Variants in TSHZ3 observed in about 807,000 individuals in gnomAD.
TSHZ3 encodes the protein teashirt zinc finger homeobox 3.
A neutral mutation model predicts 64.5 loss-of-function variants in TSHZ3; 10 were observed. The ratio of observed to expected loss-of-function variants is 0.16; its 90% CI spans 0.10 to 0.26. The LOEUF (loss-of-function observed/expected upper bound fraction) is 0.26. Among genes scored for constraint, TSHZ3 ranks in the 10% least tolerant of loss-of-function variants. The pLI is 1.00. For missense variants in TSHZ3, 1,242 were observed against 1,421.7 expected, an observed-to-expected ratio of 0.87 and a Z score of 2.03; for synonymous variants, 608 against 593.1, an observed-to-expected ratio of 1.03 and a Z score of -0.36.
intron 4 of TSHZ3, among the ~76,000 whole-genome samples, chr19:31,212,557 C>A (rs552996267): frequency 1.2e-3 from 177 of 152,240 alleles, no homozygotes; most frequent in Non-Finnish European, 2.1e-3. Context: ...CCACTACACC[C>A]CTGTTAAAAT....
In TSHZ3 at chr19:31,275,118, T is replaced by A. The variant is rs759145153; in HGVS notation, c.*1429A>T. ...TTCTCATATGGTGTCAGCTGTCAGTTACTTCTGCAAATTAACTGCCAAAAA... is the reference window on the plus strand; with the variant it reads ...TTCTCATATGGTGTCAGCTGTCAGTAACTTCTGCAAATTAACTGCCAAAAA... On this transcript the variant is annotated 3_prime_UTR_variant, in exon 2 of 2. Transcript: ENST00000240587. 1 of 152,578 alleles carries A rather than the reference T, an allele frequency of 6.6e-6. No homozygotes were observed. The highest frequency in any genetic ancestry group is 2.4e-5 in the African/African-American group (1 of 41,424). The allele number at this position is 152,578 out of a possible 1,614,324, so 9.5% of individuals were successfully genotyped here.
At chr19:31,343,205 CAT>C (rs1917486710) in intron 1 of TSHZ3, among the ~76,000 whole-genome samples, 2 of 152,186 alleles carry the variant, frequency 1.3e-5, no homozygotes, top group South Asian at 4.1e-4. Flanking sequence ...TAATTAATAA[CAT>C]GTGTCCTGAC....
chr19:31,222,333 C>T (rs907233709), intron 4 of TSHZ3, among the ~76,000 whole-genome samples: 4 of 152,130 alleles, frequency 2.6e-5, no homozygotes, highest in African/African-American at 9.7e-5. Flanking sequence ...GGAATGGGGT[C>T]AGTCAAACGC....
chr19:31,339,438 T>C (rs1917361043), intron 1 of TSHZ3, among the ~76,000 whole-genome samples: 1 of 151,990 alleles, frequency 6.6e-6, no homozygotes, highest in African/African-American at 2.4e-5. Context: ...CTTTCCTCCC[T>C]TTCCCTCTTG....
At chr19:31,268,520 C>T (rs569298473) in intron 1 of TSHZ3, among the ~76,000 whole-genome samples, 1 of 152,194 alleles carries the variant, frequency 6.6e-6, no homozygotes, top group Non-Finnish European at 1.5e-5. Flanking sequence ...AAAACAGAAG[C>T]CTGGCTGATC....
chr19:31,195,818 G>C (rs754115907), intron 5 of TSHZ3: 2 of 151,934 alleles, frequency 1.3e-5, no homozygotes, highest in Non-Finnish European at 2.9e-5. Flanking sequence ...AATCAATATA[G>C]TCATGTGTAT....
intron 5 of TSHZ3, among the ~76,000 whole-genome samples, chr19:31,198,941 G>T (rs1213030679): frequency 6.6e-6 from 1 of 152,130 alleles, no homozygotes; most frequent in Non-Finnish European, 1.5e-5. Flanking sequence ...CCGATTTACA[G>T]GGAGAGGTAA....
intron 5 of TSHZ3, among the ~76,000 whole-genome samples, chr19:31,159,684 T>C (rs911257178): frequency 2.0e-5 from 3 of 152,100 alleles, no homozygotes; most frequent in Admixed American, 1.3e-4. Context: ...TTTTATGAAG[T>C]GACTTTTATT....
rs1026283255 is a variant in TSHZ3 at position 31,237,127 on chromosome 19, G to A, written n.550+5142C>T. Among the ~76,000 whole-genome samples, 26 of 152,330 alleles carry A rather than the reference G, an allele frequency of 1.7e-4. 1 individual carries two copies. The highest frequency in any genetic ancestry group is 1.7e-3 in the South Asian group (8 of 4,828). ...CATGCCACTGCACTCCAGACTGGGA[G>A]ACAGAGCGAAACTCCGTCTAAGAAA... On this transcript the variant is annotated intron_variant and non_coding_transcript_variant, in intron 3 of 6. Transcript: ENST00000651361.
At chr19:31,243,487 C>T (rs548118802) in intron 1 of TSHZ3, among the ~76,000 whole-genome samples, 1 of 152,350 alleles carries the variant, frequency 6.6e-6, no homozygotes, top group South Asian at 2.1e-4. Context: ...CCAACCCATG[C>T]ATGGTATCCT....
At chr19:31,300,341 A>G (rs1976732902) in intron 1 of TSHZ3, among the ~76,000 whole-genome samples, 1 of 152,260 alleles carries the variant, frequency 6.6e-6, no homozygotes, top group African/African-American at 2.4e-5. Context: ...AAGGTTTATT[A>G]TATTGACTAT....
chr19:31,200,394 G>C (rs80084909), intron 5 of TSHZ3, among the ~76,000 whole-genome samples: 1 of 152,070 alleles, frequency 6.6e-6, no homozygotes, highest in East Asian at 1.9e-4. Flanking sequence ...ATCATTCAAG[G>C]CTAAAAAGAA....
intron 1 of TSHZ3, among the ~76,000 whole-genome samples, chr19:31,331,960 C>T (rs960571975): frequency 1.3e-5 from 2 of 152,150 alleles, no homozygotes; most frequent in Non-Finnish European, 2.9e-5. Context: ...AGAGGAGGTA[C>T]GTGAAGAAGA....
chr19:31,195,645 A>G (rs1974978394), intron 5 of TSHZ3: 1 of 152,060 alleles, frequency 6.6e-6, no homozygotes. Flanking sequence ...GAAATTCTAT[A>G]GGTCAGACAC....
chr19:31,321,182 C>T (rs143982375), intron 1 of TSHZ3, among the ~76,000 whole-genome samples: 1 of 152,316 alleles, frequency 6.6e-6, no homozygotes, highest in East Asian at 1.9e-4. Flanking sequence ...AAGGCCTGGC[C>T]AGCTCCTTAA....
chr19:31,238,661 A>C (rs1182025014), intron 3 of TSHZ3, among the ~76,000 whole-genome samples: 2 of 151,954 alleles, frequency 1.3e-5, no homozygotes, highest in Non-Finnish European at 2.9e-5. Context: ...TTTATCTCTT[A>C]CTCTTTGTCT....
At chr19:31,172,707 G>A (rs1974552500) in intron 5 of TSHZ3, among the ~76,000 whole-genome samples, 1 of 152,218 alleles carries the variant, frequency 6.6e-6, no homozygotes, top group African/African-American at 2.4e-5. Context: ...AAGTAAAGTG[G>A]TCAGAAGACC....
intron 1 of TSHZ3, among the ~76,000 whole-genome samples, chr19:31,284,210 G>A (rs1198608620): frequency 6.6e-6 from 1 of 151,970 alleles, no homozygotes; most frequent in African/African-American, 2.4e-5. Context: ...TAGGTGAGTG[G>A]GGGGTCATGT....
chr19:31,234,933 T>C (rs888057219), intron 3 of TSHZ3, among the ~76,000 whole-genome samples: 3 of 152,220 alleles, frequency 2.0e-5, no homozygotes, highest in African/African-American at 7.2e-5. Context: ...AATATTGATG[T>C]TATTTCTTTT....
Sources: gnomAD v4.1 joint callset for allele counts (sites outside exome capture counted in the v4.1 genomes callset) on GRCh38, gnomAD v4.1.1 for gene constraint, MANE v1.5 for transcripts, NCBI Gene and HGNC (gene_info 2026-07-23, HGNC 2026-07-21) for gene names.